Variants in LUC7L3 observed in about 807,000 individuals in gnomAD.
LUC7L3 encodes LUC7 like 3 pre-mRNA splicing factor.
Under a neutral mutation model 66.8 loss-of-function variants are expected in LUC7L3, and 6 were observed. That is an observed-to-expected ratio of 0.09 (90% CI 0.05 to 0.18). The LOEUF (loss-of-function observed/expected upper bound fraction) is 0.18. Among genes scored for constraint, LUC7L3 ranks in the 10% least tolerant of loss-of-function variants. The pLI is 1.00. For missense variants in LUC7L3, 341 were observed against 531.1 expected (o/e 0.64, Z 3.52); for synonymous variants, 160 against 174.7 (o/e 0.92, Z 0.66).
At position 50,729,512 on chromosome 17, in the gene LUC7L3, G is replaced by T. The variant is rs1433998606; in HGVS notation, c.100-7448G>T. On this transcript the variant is annotated intron_variant, in intron 1 of 9. Coordinates refer to ENST00000505658, the MANE Select transcript of LUC7L3 (RefSeq NM_016424.5). ...TGGGTGGCCAGAGCTGATCCCGGCT[G>T]CCCAGGATGCAAGGCAGGAACTAAC... Among the ~76,000 whole-genome samples, 6 of 152,050 alleles carry T rather than the reference G, an allele frequency of 3.9e-5. No homozygotes were observed. The East Asian group carries it at 7.7e-4, about 20-fold the overall frequency.
In LUC7L3 at chr17:50,741,225, T is replaced by C. The variant is rs1471041098; in HGVS notation, c.330T>C (p.Ser110=). 1 of 1,614,170 alleles carries C rather than the reference T, an allele frequency of 6.2e-7. No homozygotes were observed. The highest frequency in any genetic ancestry group is 1.7e-5 in the Admixed American group (1 of 60,022). ...IRRGHARLAL[S]QNQQSSGAAG... ...GAGGCCATGCTCGTTTGGCATTATC[T>C]CAAAACCAGCAGTCTTCTGGGGTAA... is the stretch of plus-strand genomic sequence containing the variant. The change falls in exon 4 of 10, where the codon TCT becomes TCC. Residue 110 remains serine (S), a synonymous_variant. Coordinates refer to ENST00000505658, the MANE Select transcript of LUC7L3 (RefSeq NM_016424.5).
intron 2 of LUC7L3, among the ~76,000 whole-genome samples, chr17:50,737,645 A>C (rs1970062244): frequency 6.6e-6 from 1 of 152,044 alleles, no homozygotes; most frequent in African/African-American, 2.4e-5. Flanking sequence ...GCCTTTACCC[A>C]CTAGATAACC....
At chr17:50,743,672 A>T in intron 5 of LUC7L3, 34 bp from the exon 6 acceptor site, 1 of 1,355,270 alleles carries the variant, frequency 7.4e-7, no homozygotes, top group East Asian at 2.3e-5. Flanking sequence ...GTTTGAAAGA[A>T]ATCTTAACTG....
chr17:50,738,373 GAAGA>G (rs1254550198), intron 2 of LUC7L3, among the ~76,000 whole-genome samples: 1 of 152,148 alleles, frequency 6.6e-6, no homozygotes, highest in Non-Finnish European at 1.5e-5. Context: ...CCAGACGTTC[GAAGA>G]AAGCCTTCAA....
rs1035329761 is a variant in LUC7L3 at position 50,754,768 on chromosome 17, CTCCTT to C, written c.*4108_*4112del. On this transcript the variant is annotated 3_prime_UTR_variant, in exon 10 of 10. Transcript: ENST00000505658. ...CTCAGCTCAGATATTTTTACTCCCT[CTCCTT>C]AGGCATTCTGGTTCCTTAAATATAG... The C allele has an allele frequency of 2.6e-5, 4 of 152,270 alleles. No individual in the cohort carries two copies. Among genetic ancestry groups the C allele is most frequent in the East Asian group, 1.9e-4 (1 of 5,186 alleles). The allele number at this position is 152,270 out of a possible 1,614,324, so 9.4% of individuals were successfully genotyped here. A position where few individuals can be genotyped will look rare whatever the true frequency, so the allele number is the denominator to read the frequency against.
chr17:50,725,613 T>G (rs1383778714), intron 1 of LUC7L3, among the ~76,000 whole-genome samples: 1 of 152,208 alleles, frequency 6.6e-6, no homozygotes, highest in Non-Finnish European at 1.5e-5. Context: ...AATTGACCCT[T>G]GAACAACACG....
rs1968833130 is a variant in LUC7L3, at chr17:50,722,280, C to T, written c.99+2449C>T. 2.1e-5 allele frequency: 3 copies of T among 141,954 alleles called. No individual in the cohort carries two copies. In the South Asian group the frequency reaches 6.8e-4, roughly 32 times the overall value. 8.8% of individuals were successfully genotyped at this position (141,954 alleles called of 1,614,324 possible). A position where few individuals can be genotyped will look rare whatever the true frequency, so the allele number is the denominator to read the frequency against. On this transcript the variant is annotated intron_variant, in intron 1 of 9. Coordinates refer to ENST00000505658, the MANE Select transcript of LUC7L3 (RefSeq NM_016424.5). ...TGGCGTGATTTTGGCTCATTGCACC[C>T]TCCGCCTCCCGGGTTCAAGCGATTC... is the stretch of plus-strand genomic sequence containing the variant.
chr17:50,727,928 C>T (rs1484014644), intron 1 of LUC7L3, among the ~76,000 whole-genome samples: 2 of 149,432 alleles, frequency 1.3e-5, no homozygotes, highest in Admixed American at 6.7e-5. Context: ...CATGGTGAAA[C>T]CCCATCTCTA....
intron 9 of LUC7L3, chr17:50,749,120 T>A (rs1970855868): frequency 1.1e-6 from 1 of 913,202 alleles, no homozygotes. Flanking sequence ...TAAGGTGCTC[T>A]CTTTGTCAAG....
At chr17:50,733,978 G>A (rs1424763289) in intron 1 of LUC7L3, among the ~76,000 whole-genome samples, 1 of 152,126 alleles carries the variant, frequency 6.6e-6, no homozygotes, top group Non-Finnish European at 1.5e-5. Context: ...ATTTTACTGT[G>A]TTGCATTTAA....
intron 2 of LUC7L3, 22 bp downstream of exon 2, chr17:50,737,048 C>A: frequency 6.4e-7 from 1 of 1,558,818 alleles, no homozygotes; most frequent in Non-Finnish European, 8.8e-7. Flanking sequence ...TTCTGTGTAA[C>A]TTTTATCAAA....
At chr17:50,735,477 G>T (rs988506609) in intron 1 of LUC7L3, among the ~76,000 whole-genome samples, 2 of 151,004 alleles carry the variant, frequency 1.3e-5, no homozygotes, top group African/African-American at 4.9e-5. Context: ...TTTCCTTTTC[G>T]TTTTCCTTTT....
intron 1 of LUC7L3, among the ~76,000 whole-genome samples, chr17:50,736,404 G>A (rs1969986755): frequency 6.6e-6 from 1 of 152,092 alleles, no homozygotes; most frequent in African/African-American, 2.4e-5. Flanking sequence ...ACCAACCTGG[G>A]CAATGTAGCA....
At chr17:50,725,268 G>A (rs571329608) in intron 1 of LUC7L3, among the ~76,000 whole-genome samples, 1 of 152,144 alleles carries the variant, frequency 6.6e-6, no homozygotes, top group African/African-American at 2.4e-5. Context: ...AAATTAGCCA[G>A]GTGTGGTGGC....
intron 1 of LUC7L3, among the ~76,000 whole-genome samples, chr17:50,731,598 CA>C (rs1969609619): frequency 6.6e-6 from 1 of 152,176 alleles, no homozygotes; most frequent in Non-Finnish European, 1.5e-5. Flanking sequence ...TTAAAAGAAG[CA>C]GTCCAGGTAG....
At chr17:50,739,849 A>G (rs185499275) in intron 2 of LUC7L3, among the ~76,000 whole-genome samples, 102 of 152,342 alleles carry the variant, frequency 6.7e-4, no homozygotes, top group Non-Finnish European at 1.2e-3. Flanking sequence ...AAATTCGGGA[A>G]GAAATAGAGA....
intron 1 of LUC7L3, among the ~76,000 whole-genome samples, chr17:50,734,234 C>T (rs1182068710): frequency 1.3e-5 from 2 of 149,730 alleles, no homozygotes; most frequent in Non-Finnish European, 2.9e-5. Context: ...ATGGCCTAAT[C>T]TCAGCTCACC....
At chr17:50,729,877 T>A (rs1969442577) in intron 1 of LUC7L3, among the ~76,000 whole-genome samples, 1 of 141,312 alleles carries the variant, frequency 7.1e-6, no homozygotes, top group Admixed American at 7.4e-5. Flanking sequence ...ATCAGAAGTA[T>A]ATATTGAATA....
At chr17:50,740,026 T>C (rs915244167) in intron 2 of LUC7L3, among the ~76,000 whole-genome samples, 1 of 152,188 alleles carries the variant, frequency 6.6e-6, no homozygotes, top group Non-Finnish European at 1.5e-5. Flanking sequence ...AACAGTTTCC[T>C]TTCACCTTCC....
Sources: allele counts gnomAD v4.1 joint callset (sites outside exome capture counted in the v4.1 genomes callset), GRCh38; gene constraint gnomAD v4.1.1; transcripts MANE v1.5; gene names NCBI Gene and HGNC (gene_info 2026-07-23, HGNC 2026-07-21).